PRIM2: variants seen among roughly 807,000 people sequenced by gnomAD.
PRIM2 encodes DNA primase subunit 2, also known as DNA primase large subunit.
Under a neutral mutation model 67.3 loss-of-function variants are expected in PRIM2, and 39 were observed. The ratio of observed to expected loss-of-function variants is 0.58; its 90% CI spans 0.45 to 0.76. PRIM2 has a LOEUF of 0.76. PRIM2 is among the 30% of genes least tolerant of loss of function. PRIM2 has a pLI of 0.00. For synonymous variants in PRIM2, 143 were observed against 198.7 expected (o/e 0.72, Z 2.36); for missense variants, 398 against 598.7 (o/e 0.66, Z 3.50).
At chr6:57,358,400 G>T (rs1427927651) in intron 5 of PRIM2, among the ~76,000 whole-genome samples, 1 of 152,188 alleles carries the variant, frequency 6.6e-6, no homozygotes, top group Non-Finnish European at 1.5e-5. Flanking sequence ...TTGCAGGTTG[G>T]TGAGATTTCC....
At chr6:57,279,428 T>C in the PRIM2 span, among the ~76,000 whole-genome samples, 2 of 152,132 alleles carry the variant, frequency 1.3e-5, no homozygotes, top group South Asian at 4.1e-4. Flanking sequence ...TTCTGTCAGC[T>C]TTTTTCAGAG....
the PRIM2 span, among the ~76,000 whole-genome samples, chr6:57,271,353 G>A: frequency 5.5e-4 from 84 of 152,234 alleles, 2 homozygotes; most frequent in East Asian, 0.015. Flanking sequence ...TGGTTTAGTC[G>A]TGGGAGGGTG....
chr6:57,590,202 A>C (rs1318867330), intron 10 of PRIM2, among the ~76,000 whole-genome samples: 38 of 151,376 alleles, frequency 2.5e-4, no homozygotes, highest in Non-Finnish European at 4.6e-4. Context: ...TCACCACCAG[A>C]TACCCAAAAA....
intron 10 of PRIM2, among the ~76,000 whole-genome samples, chr6:57,572,195 TC>T (rs1213207934): frequency 2.3e-4 from 35 of 152,324 alleles, no homozygotes; most frequent in African/African-American, 8.4e-4. Flanking sequence ...CAAGATGCTG[TC>T]AATGTAGTAT....
intron 7 of PRIM2, among the ~76,000 whole-genome samples, chr6:57,486,663 T>C (rs1187272231): frequency 1.1e-4 from 17 of 152,192 alleles, no homozygotes; most frequent in Non-Finnish European, 2.5e-4. Context: ...CCCCCAACAG[T>C]TGTATTATCT....
intron 5 of PRIM2, among the ~76,000 whole-genome samples, chr6:57,373,408 G>A (rs2127325552): frequency 6.6e-6 from 1 of 151,900 alleles, no homozygotes; most frequent in Middle Eastern, 3.4e-3. Flanking sequence ...TAGATTGTCT[G>A]TTTACTCTGT....
At chr6:57,402,888 T>G (rs1291758582) in intron 7 of PRIM2, among the ~76,000 whole-genome samples, 1 of 152,138 alleles carries the variant, frequency 6.6e-6, no homozygotes, top group Non-Finnish European at 1.5e-5. Context: ...CCTCAGTAGT[T>G]CCTCTTGCAC....
At chr6:57,603,457 A>G (rs1776506296) in intron 11 of PRIM2, among the ~76,000 whole-genome samples, 1 of 151,970 alleles carries the variant, frequency 6.6e-6, no homozygotes, top group Non-Finnish European at 1.5e-5. Flanking sequence ...TCCATTGCCT[A>G]TATTTATTGA....
At chr6:57,235,934 C>G in the PRIM2 span, among the ~76,000 whole-genome samples, 1 of 152,164 alleles carries the variant, frequency 6.6e-6, no homozygotes, top group Non-Finnish European at 1.5e-5. Context: ...GAGCCAAGCA[C>G]AAGGATTCTC....
chr6:57,276,888 C>CAA, the PRIM2 span, among the ~76,000 whole-genome samples: 1 of 129,264 alleles, frequency 7.7e-6, no homozygotes, highest in African/African-American at 2.9e-5. Flanking sequence ...GACCCTGCCT[C>CAA]AAAAAAAAAA....
At chr6:57,397,999 T>C (rs2127352687) in intron 7 of PRIM2, among the ~76,000 whole-genome samples, 1 of 150,976 alleles carries the variant, frequency 6.6e-6, no homozygotes, top group Non-Finnish European at 1.5e-5. Context: ...CTTGCTCTTG[T>C]TCCAGGCTGG....
chr6:57,446,418 C>CTTTGTTTTTTTTTTTTTT (rs1772366887), intron 7 of PRIM2, among the ~76,000 whole-genome samples: 1 of 83,814 alleles, frequency 1.2e-5, no homozygotes, highest in Non-Finnish European at 2.3e-5. Context: ...CACGCCACTT[C>CTTTGTTTTTTTTTTTTTT]TTTTTTTTTT....
intron 7 of PRIM2, among the ~76,000 whole-genome samples, chr6:57,489,450 A>G (rs1336349678): frequency 2.0e-5 from 3 of 152,394 alleles, no homozygotes; most frequent in South Asian, 4.1e-4. Context: ...TCAGCTACTC[A>G]GGAGGCTGAG....
chr6:57,592,479 T>C (rs1776297370), intron 10 of PRIM2, among the ~76,000 whole-genome samples: 2 of 152,206 alleles, frequency 1.3e-5, no homozygotes. Flanking sequence ...CCTTGCATAA[T>C]GAAGGTTTTG....
intron 7 of PRIM2, among the ~76,000 whole-genome samples, chr6:57,456,594 T>C (rs1346958439): frequency 6.6e-6 from 1 of 152,342 alleles, no homozygotes; most frequent in East Asian, 1.9e-4. Flanking sequence ...CTGAGGCTTG[T>C]GCATTCGTCA....
intron 10 of PRIM2, among the ~76,000 whole-genome samples, chr6:57,566,980 T>G (rs1347159758): frequency 3.3e-5 from 5 of 152,102 alleles, no homozygotes; most frequent in African/African-American, 1.2e-4. Flanking sequence ...TCCTAAAGGG[T>G]TGTTGTGAGG....
chr6:57,566,243 G>A (rs1351669147), intron 10 of PRIM2, among the ~76,000 whole-genome samples: 14 of 150,538 alleles, frequency 9.3e-5, no homozygotes, highest in Non-Finnish European at 3.0e-5. Flanking sequence ...AACCTTTTTG[G>A]CAAGAATCCT....
intron 5 of PRIM2, among the ~76,000 whole-genome samples, chr6:57,353,277 C>T (rs1031605503): frequency 6.6e-6 from 1 of 151,634 alleles, no homozygotes; most frequent in African/African-American, 2.4e-5. Flanking sequence ...CTTAAAGAGA[C>T]AATTTTGGAA....
At chr6:57,433,863 G>C (rs1048846633) in intron 7 of PRIM2, among the ~76,000 whole-genome samples, 2 of 151,516 alleles carry the variant, frequency 1.3e-5, no homozygotes, top group African/African-American at 4.9e-5. Flanking sequence ...GAAAGACTTG[G>C]GTTTGAATCC....
Sources: gnomAD v4.1 joint callset for allele counts (sites outside exome capture counted in the v4.1 genomes callset) on GRCh38, gnomAD v4.1.1 for gene constraint, MANE v1.5 for transcripts, NCBI Gene and HGNC (gene_info 2026-07-23, HGNC 2026-07-21) for gene names.